The following FAM227B variants were observed in gnomAD, a reference collection of about 807,000 sequenced individuals.
The protein encoded by FAM227B is family with sequence similarity 227 member B, also known as protein FAM227B.
A neutral mutation model predicts 73.8 loss-of-function variants in FAM227B; 88 were observed. The observed-to-expected ratio is 1.19, with a 90% CI of 1.00 to 1.42. FAM227B has a LOEUF of 1.42. FAM227B is among the 40% of genes most tolerant of loss of function. The pLI, the probability that FAM227B is intolerant of heterozygous loss-of-function variation, is 0.00. For missense variants in FAM227B, 632 were observed against 590.9 expected (o/e 1.07, Z -0.72); for synonymous variants, 210 against 190.5 (o/e 1.10, Z -0.84).
intron 11 of FAM227B, among the ~76,000 whole-genome samples, chr15:49,385,892 A>T (rs1418305596): frequency 6.6e-6 from 1 of 151,816 alleles, no homozygotes; most frequent in Non-Finnish European, 1.5e-5. Context: ...AACAACACTA[A>T]AAAAAGAAAG....
chr15:49,337,738 C>T (rs775983721), intron 13 of FAM227B, among the ~76,000 whole-genome samples: 6 of 151,540 alleles, frequency 4.0e-5, no homozygotes, highest in Admixed American at 1.3e-4. Context: ...TCTCATTGTT[C>T]AATTCCCACT....
chr15:49,554,280 C>T (rs1195773052), intron 9 of FAM227B, among the ~76,000 whole-genome samples: 2 of 152,052 alleles, frequency 1.3e-5, no homozygotes, highest in Non-Finnish European at 2.9e-5. Context: ...GAGGTGATGC[C>T]GGTACTCCCT....
At chr15:49,474,484 T>C (rs909645311) in intron 11 of FAM227B, among the ~76,000 whole-genome samples, 6 of 152,102 alleles carry the variant, frequency 3.9e-5, no homozygotes, top group African/African-American at 1.4e-4. Flanking sequence ...TGAGATTATA[T>C]AGCTGACAGA....
Position 49,606,387 on chromosome 15 carries a change from A to G in FAM227B, c.105+4828T>C, listed in dbSNP as rs989049243. Among the ~76,000 whole-genome samples the G allele has an allele frequency of 3.9e-5, 6 of 152,222 alleles. No homozygotes were observed. The East Asian group carries it at 1.2e-3, about 29-fold the overall frequency. ...CCGTATTATAATTGCCATCCCTAACAATTAAAAACCTAGCTACCATTATCT... is the reference window on the plus strand; with the variant it reads ...CCGTATTATAATTGCCATCCCTAACGATTAAAAACCTAGCTACCATTATCT... On this transcript the variant is annotated intron_variant, in intron 3 of 15. Coordinates refer to ENST00000299338, the MANE Select transcript of FAM227B (RefSeq NM_152647.3).
intron 11 of FAM227B, chr15:49,486,556 C>A (rs773108959): frequency 1.3e-5 from 2 of 151,950 alleles, no homozygotes; most frequent in Non-Finnish European, 2.9e-5. Context: ...TAAAACTAAT[C>A]TTCATTTTAA....
chr15:49,476,900 A>T (rs1188580063), intron 11 of FAM227B, among the ~76,000 whole-genome samples: 2 of 152,122 alleles, frequency 1.3e-5, no homozygotes, highest in Non-Finnish European at 2.9e-5. Flanking sequence ...TCTACTAAAA[A>T]TACAAAAAAA....
intron 3 of FAM227B, 92 bp downstream of exon 3, chr15:49,611,123 C>A: frequency 1.4e-6 from 1 of 739,956 alleles, no homozygotes; most frequent in Non-Finnish European, 2.3e-6. Flanking sequence ...TCTGAAATTT[C>A]TAGTCTTAAA....
chr15:49,463,385 T>C (rs1309780177), intron 11 of FAM227B, among the ~76,000 whole-genome samples: 1 of 151,740 alleles, frequency 6.6e-6, no homozygotes, highest in East Asian at 1.9e-4. Context: ...GAAACCCCAC[T>C]TCTACTAAAA....
intron 10 of FAM227B, among the ~76,000 whole-genome samples, chr15:49,513,657 A>G (rs1047626063): frequency 1.3e-5 from 2 of 152,202 alleles, no homozygotes; most frequent in African/African-American, 2.4e-5. Flanking sequence ...CAATTTCATC[A>G]TTAAATCTTT....
At chr15:49,459,631 A>G (rs1334012453) in intron 11 of FAM227B, among the ~76,000 whole-genome samples, 4 of 152,108 alleles carry the variant, frequency 2.6e-5, no homozygotes, top group African/African-American at 7.2e-5. Flanking sequence ...ATAGAGTTTG[A>G]GGAATAATTA....
intron 10 of FAM227B, among the ~76,000 whole-genome samples, chr15:49,510,275 A>T (rs528641185): frequency 6.6e-6 from 1 of 152,182 alleles, no homozygotes; most frequent in Non-Finnish European, 1.5e-5. Flanking sequence ...TATTGTAACT[A>T]TGTAAAATCT....
At chr15:49,540,499 T>TTG (rs1212934534) in intron 10 of FAM227B, among the ~76,000 whole-genome samples, 1 of 152,130 alleles carries the variant, frequency 6.6e-6, no homozygotes, top group Non-Finnish European at 1.5e-5. Context: ...TCTAATTATT[T>TTG]TGTGTGTGTG....
At chr15:49,491,395 G>A (rs919083565) in intron 11 of FAM227B, among the ~76,000 whole-genome samples, 2 of 151,870 alleles carry the variant, frequency 1.3e-5, no homozygotes, top group African/African-American at 4.8e-5. Context: ...ACCCAAAGCT[G>A]TCAAACAATT....
chr15:49,518,776 A>T lies in FAM227B; in HGVS notation c.875-10428T>A, dbSNP rs182331433. Reference sequence around the variant, plus strand: ...AAGATGAGATTTGGGTGGGGGACACAGCCAAACCATATCATTCCATGCCTG... The same window carrying T: ...AAGATGAGATTTGGGTGGGGGACACTGCCAAACCATATCATTCCATGCCTG... On this transcript the variant is annotated intron_variant, in intron 10 of 15. Transcript: ENST00000299338. 1.8e-4 allele frequency among the ~76,000 whole-genome samples: 27 copies of T among 152,298 alleles called. No homozygotes were observed. The East Asian group carries it at 4.8e-3, about 27-fold the overall frequency.
intron 13 of FAM227B, among the ~76,000 whole-genome samples, chr15:49,342,586 T>C (rs533265172): frequency 1.3e-5 from 2 of 152,332 alleles, no homozygotes; most frequent in East Asian, 3.9e-4. Context: ...TGTTAGCTGG[T>C]TGCTTTGTAG....
intron 4 of FAM227B, among the ~76,000 whole-genome samples, chr15:49,588,592 TATATATATAA>T (rs1324304841): frequency 2.9e-5 from 3 of 104,622 alleles, no homozygotes; most frequent in Non-Finnish European, 3.9e-5. Flanking sequence ...TATATATATA[TATATATATAA>T]AATTACCTTT....
At chr15:49,489,838 A>T (rs1359683451) in intron 11 of FAM227B, among the ~76,000 whole-genome samples, 7 of 30,572 alleles carry the variant, frequency 2.3e-4, no homozygotes, top group Admixed American at 6.6e-4. Context: ...ATATATATAT[A>T]TTTTATATAT....
At chr15:49,378,798 C>A (rs909229573) in intron 11 of FAM227B, among the ~76,000 whole-genome samples, 1 of 151,922 alleles carries the variant, frequency 6.6e-6, no homozygotes, top group African/African-American at 2.4e-5. Flanking sequence ...TTATTTCTTT[C>A]TCTTGTCTGA....
At chr15:49,494,197 C>T (rs1254708758) in intron 11 of FAM227B, among the ~76,000 whole-genome samples, 1 of 151,006 alleles carries the variant, frequency 6.6e-6, no homozygotes, top group South Asian at 2.1e-4. Context: ...TATAAATATG[C>T]ATATATTAAA....
Sources: allele counts gnomAD v4.1 joint callset (sites outside exome capture counted in the v4.1 genomes callset), GRCh38; gene constraint gnomAD v4.1.1; transcripts MANE v1.5; gene names NCBI Gene and HGNC (gene_info 2026-07-23, HGNC 2026-07-21).